Variants in CCNY observed in about 807,000 individuals in gnomAD.
CCNY encodes the protein cyclin-Y.
CCNY carries 19 observed loss-of-function variants against 42.8 expected under a neutral mutation model. The observed-to-expected ratio is 0.44, with a 90% confidence interval of 0.31 to 0.65. The LOEUF is 0.65. CCNY is among the 30% of genes least tolerant of loss of function. CCNY has a pLI of 0.07. For missense variants in CCNY, 370 were observed against 437.3 expected (o/e 0.85, Z 1.37); for synonymous variants, 165 against 162.7 (o/e 1.01, Z -0.11).
At chr10:35,528,394 T>C (rs1207824045) in intron 5 of CCNY, among the ~76,000 whole-genome samples, 5 of 152,182 alleles carry the variant, frequency 3.3e-5, no homozygotes. Context: ...CAGGTGTGAA[T>C]GCCCAGAGCT....
intron 3 of CCNY, among the ~76,000 whole-genome samples, chr10:35,324,733 G>C (rs1322880025): frequency 6.6e-6 from 1 of 152,136 alleles, no homozygotes; most frequent in African/African-American, 2.4e-5. Flanking sequence ...TTTAATTATA[G>C]AGTGCTGCTT....
chr10:35,500,115 G>A (rs946143179), intron 2 of CCNY, among the ~76,000 whole-genome samples: 1 of 152,232 alleles, frequency 6.6e-6, no homozygotes, highest in African/African-American at 2.4e-5. Context: ...GTGCACTCGT[G>A]CTCTGTGTGC....
At chr10:35,350,587 G>A (rs773248794) in intron 1 of CCNY, among the ~76,000 whole-genome samples, 2 of 152,174 alleles carry the variant, frequency 1.3e-5, no homozygotes, top group African/African-American at 2.4e-5. Context: ...CTGGCCCCCC[G>A]AGGCAGGTGG....
intron 3 of CCNY, among the ~76,000 whole-genome samples, chr10:35,325,936 G>T (rs1221279742): frequency 6.6e-6 from 1 of 152,078 alleles, no homozygotes; most frequent in Non-Finnish European, 1.5e-5. Context: ...AGCTGGGCAT[G>T]GTGGCACATG....
chr10:35,368,633 C>T (rs1490863613), intron 1 of CCNY, among the ~76,000 whole-genome samples: 1 of 138,344 alleles, frequency 7.2e-6, no homozygotes, highest in Non-Finnish European at 1.6e-5. Flanking sequence ...GTGACTCCTC[C>T]TGGGGGTGTC....
chr10:35,454,961 A>G (rs1838997327), intron 1 of CCNY, among the ~76,000 whole-genome samples: 1 of 152,164 alleles, frequency 6.6e-6, no homozygotes, highest in East Asian at 1.9e-4. Flanking sequence ...TGAACCTGAA[A>G]ACCTTCCCTG....
At position 35,424,472 on chromosome 10, in the gene CCNY, C is replaced by T. The variant is rs1449170787; in HGVS notation, c.155-58932C>T. ...AACTGCCGACCTCAGGTGATCTGACCGCCTCGGCCTCCCAAAGTGCTGGGA... is the reference window on the plus strand; with the variant it reads ...AACTGCCGACCTCAGGTGATCTGACTGCCTCGGCCTCCCAAAGTGCTGGGA... On this transcript the variant is annotated intron_variant, in intron 1 of 9. Coordinates refer to ENST00000374704, the MANE Select transcript of CCNY (RefSeq NM_145012.6). 2.6e-5 allele frequency among the ~76,000 whole-genome samples: 4 copies of T among 152,158 alleles called. No homozygotes were observed. In the South Asian group the frequency reaches 6.2e-4, roughly 24 times the overall value.
chr10:35,248,409 C>A (rs1178608917), intron 2 of CCNY, among the ~76,000 whole-genome samples: 2 of 151,974 alleles, frequency 1.3e-5, no homozygotes, highest in South Asian at 4.2e-4. Context: ...TTTGGGAGGC[C>A]GAGTTGGGCA....
At chr10:35,303,455 C>T (rs1835562030) in intron 3 of CCNY, among the ~76,000 whole-genome samples, 1 of 150,114 alleles carries the variant, frequency 6.7e-6, no homozygotes, top group Non-Finnish European at 1.5e-5. Flanking sequence ...GCTAGGATTA[C>T]AGGCGAAAGA....
At chr10:35,327,122 G>C (rs1426469974) in intron 3 of CCNY, among the ~76,000 whole-genome samples, 3 of 151,746 alleles carry the variant, frequency 2.0e-5, no homozygotes, top group African/African-American at 4.8e-5. Flanking sequence ...TTTGGAGGGA[G>C]GAAATGTATT....
At chr10:35,385,934 G>A (rs1837291218) in intron 1 of CCNY, among the ~76,000 whole-genome samples, 1 of 152,160 alleles carries the variant, frequency 6.6e-6, no homozygotes, top group Non-Finnish European at 1.5e-5. Flanking sequence ...GCATGTGTGA[G>A]CTCTGAATGT....
At chr10:35,357,221 C>T (rs983619768) in intron 1 of CCNY, among the ~76,000 whole-genome samples, 6 of 144,714 alleles carry the variant, frequency 4.1e-5, no homozygotes, top group African/African-American at 1.5e-4. Flanking sequence ...AGCCCCATCA[C>T]GCTCAGTCAC....
Position 35,571,953 on chromosome 10 carries a change from T to A in CCNY, c.*2783T>A, listed in dbSNP as rs530143256. 2.8e-5 allele frequency: 4 copies of A among 145,142 alleles called. No individual in the cohort carries two copies. The South Asian group carries it at 6.5e-4, about 24-fold the overall frequency. 9.0% of individuals were successfully genotyped at this position (145,142 alleles called of 1,614,324 possible). On this transcript the variant is annotated 3_prime_UTR_variant, in exon 10 of 10. Coordinates refer to ENST00000374704, the MANE Select transcript of CCNY (RefSeq NM_145012.6). ...CCCGATGAATCTTTTTGATTTGTTTTACTTTTCTTATTTTTTTTTTTTTAA... is the reference window on the plus strand; with the variant it reads ...CCCGATGAATCTTTTTGATTTGTTTAACTTTTCTTATTTTTTTTTTTTTAA...
intron 1 of CCNY, among the ~76,000 whole-genome samples, chr10:35,460,382 C>A (rs1297345018): frequency 2.0e-5 from 3 of 151,902 alleles, no homozygotes; most frequent in Non-Finnish European, 2.9e-5. Flanking sequence ...TCACTTCATT[C>A]ATCTACACCA....
chr10:35,357,005 A>G (rs1439616280), intron 1 of CCNY, among the ~76,000 whole-genome samples: 4 of 152,106 alleles, frequency 2.6e-5, no homozygotes, highest in Admixed American at 2.0e-4. Context: ...GTGTTTTTCA[A>G]GCTTCCAACT....
intron 3 of CCNY, among the ~76,000 whole-genome samples, chr10:35,289,091 G>C (rs1835384591): frequency 6.6e-6 from 1 of 152,036 alleles, no homozygotes; most frequent in African/African-American, 2.4e-5. Flanking sequence ...AAAAATTTCA[G>C]TATTTTAGAG....
At chr10:35,373,139 G>A (rs1483541404) in intron 1 of CCNY, among the ~76,000 whole-genome samples, 1 of 152,198 alleles carries the variant, frequency 6.6e-6, no homozygotes, top group Non-Finnish European at 1.5e-5. Context: ...GCCTGAGTCA[G>A]GCAGTCTTGA....
intron 1 of CCNY, among the ~76,000 whole-genome samples, chr10:35,465,905 AAGAGAG>A (rs56166429): frequency 0.04 from 3,963 of 99,190 alleles, 95 homozygotes; most frequent in Middle Eastern, 0.056. Flanking sequence ...GGGTAGGGGG[AAGAGAG>A]AGAGAGAGAG....
At chr10:35,407,016 A>T (rs1481471433) in intron 1 of CCNY, among the ~76,000 whole-genome samples, 1 of 152,234 alleles carries the variant, frequency 6.6e-6, no homozygotes, top group African/African-American at 2.4e-5. Context: ...TAAAGCGTCT[A>T]AGGGTTGTTG....
Sources: allele counts gnomAD v4.1 joint callset (sites outside exome capture counted in the v4.1 genomes callset), GRCh38; gene constraint gnomAD v4.1.1; transcripts MANE v1.5; gene names NCBI Gene and HGNC (gene_info 2026-07-23, HGNC 2026-07-21).